The following C19orf47 variants were observed in gnomAD, a reference collection of about 807,000 sequenced individuals.
The protein encoded by C19orf47 is chromosome 19 open reading frame 47, also known as uncharacterized protein C19orf47.
A neutral mutation model predicts 32.3 loss-of-function variants in C19orf47; 18 were observed. The ratio of observed to expected loss-of-function variants is 0.56; its 90% CI spans 0.39 to 0.83. The LOEUF (loss-of-function observed/expected upper bound fraction) is 0.83. Ranked by LOEUF, C19orf47 falls within the 40% of genes least tolerant of loss-of-function variation. The probability of loss-of-function intolerance (pLI) is 0.00; values close to 1 mark genes in which losing one functional copy is unlikely to be tolerated. For synonymous variants in C19orf47, 202 were observed against 211.1 expected, an observed-to-expected ratio of 0.96 and a Z score of 0.37; for missense variants, 484 against 531.6, an observed-to-expected ratio of 0.91 and a Z score of 0.88.
the C19orf47 span, among the ~76,000 whole-genome samples, chr19:40,308,980 T>C: frequency 6.6e-6 from 1 of 152,128 alleles, no homozygotes; most frequent in East Asian, 1.9e-4. Context: ...GAGGATTACC[T>C]GAGCCCAGGA....
chr19:40,322,313 T>A lies in C19orf47; in HGVS notation c.727A>T (p.Ser243Cys). ...ACAGAGCTGCTGCTGTCATTGTCGC[T>A]GTCCCAAGCCAGATCCTCGTCCGTT... ...PETDEDLAWD[S>C]DNDSSSSVLQ... Residue 243 changes from serine to cysteine, a missense_variant, in exon 9 of 9, where the codon AGC becomes TGC. Around this residue, in one of 3 missense-constraint regions of C19orf47, gnomAD observed 376 missense variants for 370.2 expected, o/e 1.02. Coordinates refer to ENST00000683109, the MANE Select transcript of C19orf47 (RefSeq NM_001256441.2). 6.2e-7 allele frequency: 1 copy of A among 1,608,266 alleles called. No individual in the cohort carries two copies. Among genetic ancestry groups the A allele is most frequent in the Non-Finnish European group, 8.5e-7 (1 of 1,178,384 alleles).
chr19:40,306,392 T>C, the C19orf47 span, among the ~76,000 whole-genome samples: 13 of 151,956 alleles, frequency 8.6e-5, no homozygotes, highest in Non-Finnish European at 1.5e-4. Flanking sequence ...AGAAATCCTT[T>C]GTACTCTTGT....
chr19:40,329,321 A>G (rs1222137780), intron 5 of C19orf47, among the ~76,000 whole-genome samples: 3 of 151,984 alleles, frequency 2.0e-5, no homozygotes, highest in Non-Finnish European at 4.4e-5. Context: ...CCTGGGCAAC[A>G]TGGCAAAATC....
Position 40,336,318 on chromosome 19 carries a change from A to G in C19orf47, c.107+2T>C. ...CCCCATCCCCAAGTTCAGCCTCCTC[A>G]CCTATTATCCACAAACATCACGGCA... On this transcript the variant is annotated splice_donor_variant, in intron 3 of 8. Coordinates refer to ENST00000683109, the MANE Select transcript of C19orf47 (RefSeq NM_001256441.2). LOFTEE classifies it high-confidence loss of function. 1 of 1,614,002 alleles carries G rather than the reference A, an allele frequency of 6.2e-7. No homozygotes were observed. The highest frequency in any genetic ancestry group is 8.5e-7 in the Non-Finnish European group (1 of 1,179,970).
Position 40,336,146 on chromosome 19 carries a change from G to A in C19orf47, c.186C>T (p.Ile62=), listed in dbSNP as rs188924933. The change falls in exon 4 of 9, where the codon ATC becomes ATT. Residue 62 remains isoleucine (I), a synonymous_variant. Coordinates refer to ENST00000683109, the MANE Select transcript of C19orf47 (RefSeq NM_001256441.2). ...ELGVTVVGDI[I]AILKHAKVVH... is the part of the protein sequence containing the mutation. ...CCACTTTGGCATGCTTGAGAATGGC[G>A]ATGATGTCACCCACCACGGTCACGC... 76 of 1,614,168 alleles carry A rather than the reference G, an allele frequency of 4.7e-5. No homozygotes were observed. The highest frequency in any genetic ancestry group is 1.3e-4 in the East Asian group (6 of 44,880).
chr19:40,307,680 G>A, the C19orf47 span, among the ~76,000 whole-genome samples: 1 of 152,084 alleles, frequency 6.6e-6, no homozygotes, highest in Non-Finnish European at 1.5e-5. Flanking sequence ...ATAAAATTAG[G>A]TATCAACACT....
In C19orf47 at chr19:40,321,701, C is replaced by A. The variant is rs1201309056; in HGVS notation, c.*181G>T. The A allele has an allele frequency of 4.9e-6, 7 of 1,418,234 alleles. No individual in the cohort carries two copies. The highest frequency in any genetic ancestry group is 6.4e-6 in the Non-Finnish European group (7 of 1,092,044). 87.9% of individuals were successfully genotyped at this position (1,418,234 alleles called of 1,614,324 possible). A position where few individuals can be genotyped will look rare whatever the true frequency, so the allele number is the denominator to read the frequency against. ...CTGGAGCAGGCCAGGCCAGCTGCGACGACCATCCCAGGCTAGGAGAAATGG... is the reference window on the plus strand; with the variant it reads ...CTGGAGCAGGCCAGGCCAGCTGCGAAGACCATCCCAGGCTAGGAGAAATGG... On this transcript the variant is annotated 3_prime_UTR_variant, in exon 9 of 9. Transcript: ENST00000683109.
intron 1 of C19orf47, among the ~76,000 whole-genome samples, chr19:40,346,427 A>G (rs2078280335): frequency 6.8e-6 from 1 of 146,036 alleles, no homozygotes; most frequent in Non-Finnish European, 1.5e-5. Context: ...TGGGCAACAG[A>G]GCGAGACCTT....
chr19:40,328,494 G>T lies in C19orf47; in HGVS notation c.358C>A (p.Pro120Thr), dbSNP rs200776998. 6 of 1,611,964 alleles carry T rather than the reference G, an allele frequency of 3.7e-6. No individual in the cohort carries two copies. The highest frequency in any genetic ancestry group is 4.2e-6 in the Non-Finnish European group (5 of 1,179,134). ...GAGGTGCTGGTGTCCGGGCGCCTGGGGGGTGTGCTGGGTGGAGAGTCATGG... is the reference window on the plus strand; with the variant it reads ...GAGGTGCTGGTGTCCGGGCGCCTGGTGGGTGTGCTGGGTGGAGAGTCATGG... ...LNHDSPPSTP[P>T]RRPDTSTSKI... Residue 120 changes from proline to threonine, a missense_variant, in exon 6 of 9, where the codon CCC becomes ACC. By Grantham distance (38) the Pro-to-Thr change is conservative (BLOSUM62 -1). Transcript: ENST00000683109.
At chr19:40,300,444 G>A in the C19orf47 span, among the ~76,000 whole-genome samples, 27 of 151,698 alleles carry the variant, frequency 1.8e-4, no homozygotes, top group African/African-American at 6.0e-4. Context: ...CAGCCTGGGC[G>A]ACACAGCTAG....
rs1284702039 is a variant in C19orf47, at chr19:40,339,143, A to C, written c.19+2696T>G. 1.6e-4 allele frequency: 24 copies of C among 153,128 alleles called. No individual in the cohort carries two copies. In the Admixed American group the frequency reaches 1.6e-3, roughly 10 times the overall value. The allele number at this position is 153,128 out of a possible 1,614,324, so 9.5% of individuals were successfully genotyped here. On this transcript the variant is annotated intron_variant, in intron 2 of 8. Transcript: ENST00000683109. ...TTGTGATCAATTAGTTGTAAAGACC[A>C]ATCAGTTCCTAGGGACCAGGCAAAG...
Position 40,333,833 on chromosome 19 carries a change from T to G in C19orf47, c.301+18A>C. On this transcript the variant is annotated intron_variant, in intron 5 of 8. Coordinates refer to ENST00000683109, the MANE Select transcript of C19orf47 (RefSeq NM_001256441.2). ...GTATAAAAATCAAGGAAAAGAGGCCTGAATAGTTAGGACTCACCACTGGTG... is the reference window on the plus strand; with the variant it reads ...GTATAAAAATCAAGGAAAAGAGGCCGGAATAGTTAGGACTCACCACTGGTG... The G allele has an allele frequency of 6.5e-7, 1 of 1,536,198 alleles. No homozygotes were observed. The highest frequency in any genetic ancestry group is 8.8e-7 in the Non-Finnish European group (1 of 1,138,158).
chr19:40,312,178 A>G, the C19orf47 span, among the ~76,000 whole-genome samples: 3 of 152,108 alleles, frequency 2.0e-5, no homozygotes, highest in African/African-American at 7.2e-5. Flanking sequence ...GGGATCTATC[A>G]TGCCTCCTCC....
intron 6 of C19orf47, among the ~76,000 whole-genome samples, 175 bp from the exon 7 acceptor site, chr19:40,326,661 C>T (rs1041226456): frequency 6.6e-6 from 1 of 152,194 alleles, no homozygotes; most frequent in Non-Finnish European, 1.5e-5. Flanking sequence ...CTCTGTTACA[C>T]GAGGTCACAG....
chr19:40,311,133 T>C, the C19orf47 span, among the ~76,000 whole-genome samples: 3 of 152,002 alleles, frequency 2.0e-5, no homozygotes, highest in African/African-American at 7.2e-5. Context: ...TCCCAGCACT[T>C]TGGGAGGCCG....
chr19:40,348,393 T>G lies in C19orf47; in HGVS notation c.-103A>C, dbSNP rs1003222594. 8 of 1,328,920 alleles carry G rather than the reference T, an allele frequency of 6.0e-6. No individual in the cohort carries two copies. The African/African-American group carries it at 1.2e-4, about 19-fold the overall frequency. The allele number at this position is 1,328,920 out of a possible 1,614,324, so 82.3% of individuals were successfully genotyped here. ...CCCGGCGGCGCCAACTGTCAGACAC[T>G]CCTCCCCCGGCCCGGGCTGCCCGCC... On this transcript the variant is annotated 5_prime_UTR_variant, in exon 1 of 9. Coordinates refer to ENST00000683109, the MANE Select transcript of C19orf47 (RefSeq NM_001256441.2).
rs373342765 is a variant in C19orf47, at chr19:40,336,393, T to C, written c.34A>G (p.Ile12Val). 3.2e-4 allele frequency: 518 copies of C among 1,613,770 alleles called. 1 individual carries two copies. The highest frequency in any genetic ancestry group is 4.0e-4 in the Non-Finnish European group (475 of 1,179,878). ...VSVTMATSEW[I>V]QFFKEAGIPP... ...ATGCCGGCTTCCTTAAAGAACTGGA[T>C]CCACTCGGAAGTGGCTGTGGGGTTG... The change falls in exon 3 of 9, where the codon ATC becomes GTC. Residue 12 changes from isoleucine to valine, a missense_variant. By Grantham distance (29) the Ile-to-Val change is conservative (BLOSUM62 3). Around this residue, in one of 3 missense-constraint regions of C19orf47, gnomAD observed 57 missense variants for 86.9 expected, o/e 0.66. Coordinates refer to ENST00000683109, the MANE Select transcript of C19orf47 (RefSeq NM_001256441.2).
At chr19:40,348,502 C>T (rs750027114), upstream of C19orf47, 2 of 1,492,510 alleles carry the variant, frequency 1.3e-6, no homozygotes, top group East Asian at 2.8e-5. Flanking sequence ...AGCGAGAGTG[C>T]GGCCATAACC....
At chr19:40,348,504 G>T, upstream of C19orf47, 1 of 1,492,854 alleles carries the variant, frequency 6.7e-7, no homozygotes, top group South Asian at 1.3e-5. Flanking sequence ...CGAGAGTGCG[G>T]CCATAACCAT....
Sources: allele counts gnomAD v4.1 joint callset (sites outside exome capture counted in the v4.1 genomes callset), GRCh38; gene constraint gnomAD v4.1.1; regional missense constraint gnomAD v4.1.1; transcripts MANE v1.5; gene names NCBI Gene and HGNC (gene_info 2026-07-23, HGNC 2026-07-21).